PDE7A: variants seen among roughly 807,000 people sequenced by gnomAD.
PDE7A encodes the protein phosphodiesterase 7A.
PDE7A carries 39 observed loss-of-function variants against 64.3 expected under a neutral mutation model. The observed-to-expected ratio is 0.61, with a 90% CI of 0.47 to 0.79. PDE7A has a LOEUF of 0.79. Ranked by LOEUF, PDE7A falls within the 30% of genes least tolerant of loss-of-function variation. The probability of loss-of-function intolerance (pLI) is 0.00; values close to 1 mark genes in which losing one functional copy is unlikely to be tolerated. For synonymous variants in PDE7A, 203 were observed against 206.8 expected (o/e 0.98, Z 0.16); for missense variants, 470 against 582.8 (o/e 0.81, Z 1.99).
At chr8:65,730,085 G>C (rs1329836264) in intron 7 of PDE7A, among the ~76,000 whole-genome samples, 1 of 150,806 alleles carries the variant, frequency 6.6e-6, no homozygotes, top group Non-Finnish European at 1.5e-5. Flanking sequence ...ATTATTGCCT[G>C]AGCTCTGCCT....
chr8:65,836,984 G>C (rs1810964910), intron 1 of PDE7A, among the ~76,000 whole-genome samples: 1 of 152,140 alleles, frequency 6.6e-6, no homozygotes, highest in Admixed American at 6.6e-5. Context: ...AAGCCTCAAC[G>C]ATTACATAAG....
intron 1 of PDE7A, among the ~76,000 whole-genome samples, chr8:65,816,656 G>C (rs969459556): frequency 3.9e-5 from 6 of 152,194 alleles, no homozygotes; most frequent in African/African-American, 1.4e-4. Flanking sequence ...CCAGCACTTT[G>C]AATATGTCAC....
intron 1 of PDE7A, among the ~76,000 whole-genome samples, chr8:65,832,094 G>T (rs1453863699): frequency 6.6e-6 from 1 of 152,006 alleles, no homozygotes; most frequent in South Asian, 2.1e-4. Context: ...ATACTCTGGG[G>T]TTTTTCTTCA....
chr8:65,743,871 T>C (rs1364483716), intron 5 of PDE7A, among the ~76,000 whole-genome samples: 2 of 152,048 alleles, frequency 1.3e-5, no homozygotes, highest in African/African-American at 2.4e-5. Flanking sequence ...CTCGCTCTAT[T>C]GCCCAGGCTG....
chr8:65,725,202 CT>C, intron 9 of PDE7A: 1 of 224,792 alleles, frequency 4.4e-6, no homozygotes, highest in Non-Finnish European at 8.7e-6. Flanking sequence ...GTATTATTTG[CT>C]TTAAAAAAAA....
At chr8:65,719,932 T>C (rs1206604067) in intron 12 of PDE7A, among the ~76,000 whole-genome samples, 3 of 152,234 alleles carry the variant, frequency 2.0e-5, no homozygotes, top group Admixed American at 1.3e-4. Flanking sequence ...GAGCTGGCAG[T>C]AGTCTACTGC....
chr8:65,782,944 T>C, intron 1 of PDE7A, 101 bp from the exon 2 acceptor site: 1 of 712,374 alleles, frequency 1.4e-6, no homozygotes, highest in East Asian at 2.8e-5. Context: ...TGAAGCACTG[T>C]GCAAGAGAAG....
intron 3 of PDE7A, among the ~76,000 whole-genome samples, chr8:65,779,453 A>G (rs1809347158): frequency 6.6e-6 from 1 of 151,864 alleles, no homozygotes; most frequent in Non-Finnish European, 1.5e-5. Flanking sequence ...ACTTAAAAAA[A>G]TCTTTTTAAA....
intron 3 of PDE7A, among the ~76,000 whole-genome samples, chr8:65,777,083 T>C (rs1809281491): frequency 6.7e-6 from 1 of 149,108 alleles, no homozygotes; most frequent in Admixed American, 6.7e-5. Context: ...AATGCTTTTT[T>C]TTTTTTTTTT....
At chr8:65,768,108 A>G (rs1808887464) in intron 3 of PDE7A, among the ~76,000 whole-genome samples, 1 of 152,178 alleles carries the variant, frequency 6.6e-6, no homozygotes, top group South Asian at 2.1e-4. Flanking sequence ...ACCCCTCCAC[A>G]CATTTGGTCA....
At chr8:65,735,011 C>G (rs550259405) in intron 6 of PDE7A, 117 bp from the exon 7 acceptor site, 10 of 671,422 alleles carry the variant, frequency 1.5e-5, no homozygotes, top group Non-Finnish European at 2.7e-5. Flanking sequence ...CGGCTAAAAT[C>G]GTGCCGATTC....
intron 1 of PDE7A, among the ~76,000 whole-genome samples, chr8:65,801,480 A>C (rs1809984925): frequency 6.6e-6 from 1 of 152,180 alleles, no homozygotes; most frequent in Non-Finnish European, 1.5e-5. Flanking sequence ...GATTTTCACA[A>C]CCTCATGGGT....
chr8:65,745,519 T>C, intron 4 of PDE7A, 49 bp from the exon 5 acceptor site: 1 of 1,033,028 alleles, frequency 9.7e-7, no homozygotes, highest in Non-Finnish European at 1.5e-6. Context: ...TCAATAACAT[T>C]GTCTTTTGGA....
At position 65,727,174 on chromosome 8, in the gene PDE7A, T is replaced by TA. The variant is rs1232212323; in HGVS notation, c.823dup (p.Tyr275LeufsTer54). ...TGATGATAAAATTGCACTAACCTTG[T>TA]ATAAAGTTGCCAAGTAATGGTTAGT... On this transcript the variant is annotated frameshift_variant, in exon 8 of 13. Transcript: ENST00000401827. LOFTEE classifies it high-confidence loss of function. 6.4e-7 allele frequency: 1 copy of TA among 1,567,460 alleles called. No homozygotes were observed. Among genetic ancestry groups the TA allele is most frequent in the Non-Finnish European group, 8.8e-7 (1 of 1,138,260 alleles).
chr8:65,822,192 A>G (rs1031325304), intron 1 of PDE7A, among the ~76,000 whole-genome samples: 2 of 152,224 alleles, frequency 1.3e-5, no homozygotes, highest in Admixed American at 6.5e-5. Flanking sequence ...AAAGTCTTTA[A>G]GGGGCTGGAA....
At chr8:65,798,732 G>A (rs1809921272) in intron 1 of PDE7A, among the ~76,000 whole-genome samples, 1 of 152,100 alleles carries the variant, frequency 6.6e-6, no homozygotes, top group Non-Finnish European at 1.5e-5. Context: ...GTGTTATCAA[G>A]GATGTGGAGC....
intron 1 of PDE7A, among the ~76,000 whole-genome samples, chr8:65,822,830 TC>T (rs935058076): frequency 2.8e-4 from 42 of 152,112 alleles, no homozygotes; most frequent in Admixed American, 2.2e-3. Flanking sequence ...CTATACAGGC[TC>T]CCCCACTCCC....
chr8:65,779,594 G>A (rs1809351939), intron 3 of PDE7A, 126 bp downstream of exon 3: 2 of 551,314 alleles, frequency 3.6e-6, no homozygotes, highest in South Asian at 5.6e-5. Context: ...ACATGACCTA[G>A]GTTTTAAAAA....
chr8:65,782,036 G>A (rs1347481704), intron 2 of PDE7A, among the ~76,000 whole-genome samples: 1 of 152,172 alleles, frequency 6.6e-6, no homozygotes, highest in African/African-American at 2.4e-5. Flanking sequence ...AGGAATTAGT[G>A]AAGGTGGCAA....
Sources: allele counts gnomAD v4.1 joint callset (sites outside exome capture counted in the v4.1 genomes callset), GRCh38; gene constraint gnomAD v4.1.1; transcripts MANE v1.5; gene names NCBI Gene and HGNC (gene_info 2026-07-23, HGNC 2026-07-21).